CNTNAP2: variants seen among roughly 807,000 people sequenced by gnomAD.
CNTNAP2 encodes contactin associated protein 2.
Under a neutral mutation model 155.2 loss-of-function variants are expected in CNTNAP2, and 98 were observed. That is an observed-to-expected ratio of 0.63 (90% CI 0.54 to 0.75). The LOEUF (loss-of-function observed/expected upper bound fraction) is 0.75. CNTNAP2 is among the 30% of genes least tolerant of loss of function. The pLI is 0.00. For synonymous variants in CNTNAP2, 651 were observed against 631.2 expected, an observed-to-expected ratio of 1.03 and a Z score of -0.47; for missense variants, 1,727 against 1,688.1, an observed-to-expected ratio of 1.02 and a Z score of -0.40.
intron 1 of CNTNAP2, among the ~76,000 whole-genome samples, chr7:146,262,005 G>C (rs551220484): frequency 6.6e-6 from 1 of 152,288 alleles, no homozygotes; most frequent in East Asian, 1.9e-4. Flanking sequence ...CATGCTCAGT[G>C]TGTGTGTTGC....
intron 8 of CNTNAP2, among the ~76,000 whole-genome samples, chr7:147,293,007 A>T (rs1805347704): frequency 1.3e-5 from 2 of 152,284 alleles, no homozygotes; most frequent in African/African-American, 4.8e-5. Context: ...ACCTTGGGTG[A>T]TATGCCCGCT....
At chr7:148,204,137 T>G (rs1247922014) in intron 18 of CNTNAP2, among the ~76,000 whole-genome samples, 1 of 152,238 alleles carries the variant, frequency 6.6e-6, no homozygotes, top group African/African-American at 2.4e-5. Context: ...CTTTGAATCC[T>G]GTTACTTCCA....
intron 3 of CNTNAP2, among the ~76,000 whole-genome samples, chr7:147,033,180 A>ATATATG (rs1799074950): frequency 2.3e-5 from 2 of 85,252 alleles, no homozygotes; most frequent in African/African-American, 8.6e-5. Context: ...ATATATATAT[A>ATATATG]TATATATATA....
At chr7:147,861,280 A>G (rs1175431710) in intron 13 of CNTNAP2, among the ~76,000 whole-genome samples, 10 of 152,250 alleles carry the variant, frequency 6.6e-5, no homozygotes, top group African/African-American at 2.4e-4. Flanking sequence ...CCATGCTTTC[A>G]GCAGATACTT....
chr7:147,050,111 T>C (rs889304662), intron 4 of CNTNAP2, among the ~76,000 whole-genome samples: 2 of 152,218 alleles, frequency 1.3e-5, no homozygotes, highest in East Asian at 1.9e-4. Context: ...TTGAAACAAG[T>C]GCATGCAGTT....
chr7:146,148,033 T>C (rs1422641939), intron 1 of CNTNAP2, among the ~76,000 whole-genome samples: 1 of 152,136 alleles, frequency 6.6e-6, no homozygotes, highest in Non-Finnish European at 1.5e-5. Flanking sequence ...AGGACTGTGC[T>C]TTATCAGGAA....
At chr7:146,360,973 G>A (rs1407098061) in intron 1 of CNTNAP2, among the ~76,000 whole-genome samples, 1 of 152,074 alleles carries the variant, frequency 6.6e-6, no homozygotes, top group Non-Finnish European at 1.5e-5. Context: ...TCTTCTATTA[G>A]TATTTATCAG....
At chr7:147,851,146 A>C (rs1438260487) in intron 13 of CNTNAP2, among the ~76,000 whole-genome samples, 1 of 152,206 alleles carries the variant, frequency 6.6e-6, no homozygotes, top group Non-Finnish European at 1.5e-5. Context: ...GAAGACATTT[A>C]TGCAGCCAAC....
At chr7:147,921,120 T>G (rs1800272321) in intron 14 of CNTNAP2, among the ~76,000 whole-genome samples, 1 of 152,110 alleles carries the variant, frequency 6.6e-6, no homozygotes, top group African/African-American at 2.4e-5. Context: ...CCTTTTTTTT[T>G]TTTGTTTAAC....
chr7:146,899,652 A>G (rs1266225823), intron 3 of CNTNAP2, among the ~76,000 whole-genome samples: 1 of 152,180 alleles, frequency 6.6e-6, no homozygotes, highest in East Asian at 1.9e-4. Flanking sequence ...TTCCAGATAG[A>G]TAGGCTCACG....
chr7:148,218,258 A>G (rs1341962763), intron 19 of CNTNAP2, among the ~76,000 whole-genome samples: 2 of 152,276 alleles, frequency 1.3e-5, no homozygotes, highest in African/African-American at 4.8e-5. Context: ...TTATGATAGT[A>G]TACCAGTAGG....
intron 1 of CNTNAP2, among the ~76,000 whole-genome samples, chr7:146,328,663 T>C (rs1801134504): frequency 6.6e-6 from 1 of 152,178 alleles, no homozygotes; most frequent in African/African-American, 2.4e-5. Flanking sequence ...AATGAAAGTT[T>C]GTACTCTTTG....
At chr7:147,670,110 A>T (rs1419370852) in intron 13 of CNTNAP2, among the ~76,000 whole-genome samples, 1 of 152,226 alleles carries the variant, frequency 6.6e-6, no homozygotes, top group Non-Finnish European at 1.5e-5. Flanking sequence ...TGTGTAAAAT[A>T]TGTGGGGTAA....
chr7:146,741,503 G>A (rs759884041), intron 1 of CNTNAP2, among the ~76,000 whole-genome samples: 3 of 152,152 alleles, frequency 2.0e-5, no homozygotes, highest in Non-Finnish European at 4.4e-5. Context: ...ACATAATAGT[G>A]TATTGGCAAT....
chr7:147,537,121 T>C (rs138411894), intron 11 of CNTNAP2, among the ~76,000 whole-genome samples: 1 of 152,338 alleles, frequency 6.6e-6, no homozygotes, highest in East Asian at 1.9e-4. Flanking sequence ...GATTCCCAAA[T>C]GTGGAAAGAA....
intron 2 of CNTNAP2, among the ~76,000 whole-genome samples, chr7:146,817,975 T>TA (rs1341198135): frequency 7.2e-5 from 11 of 152,222 alleles, no homozygotes; most frequent in African/African-American, 2.7e-4. Context: ...AAAAGTAAGT[T>TA]ATTATTCTGT....
intron 1 of CNTNAP2, among the ~76,000 whole-genome samples, chr7:146,675,065 C>A (rs1800374301): frequency 6.6e-6 from 1 of 152,144 alleles, no homozygotes; most frequent in South Asian, 2.1e-4. Context: ...CCCCAACCAA[C>A]AAGACTGTGG....
At chr7:147,315,807 T>C (rs569247855) in intron 9 of CNTNAP2, among the ~76,000 whole-genome samples, 1 of 152,184 alleles carries the variant, frequency 6.6e-6, no homozygotes, top group South Asian at 2.1e-4. Context: ...ATAAATTGAA[T>C]TGCTTAAAAA....
intron 4 of CNTNAP2, among the ~76,000 whole-genome samples, chr7:147,048,204 C>T (rs1371377291): frequency 6.7e-6 from 1 of 149,834 alleles, no homozygotes; most frequent in Non-Finnish European, 1.5e-5. Context: ...GGCAATTTTA[C>T]ATTAGCCAGG....
Sources: allele counts gnomAD v4.1 joint callset (sites outside exome capture counted in the v4.1 genomes callset), GRCh38; gene constraint gnomAD v4.1.1; transcripts MANE v1.5; gene names NCBI Gene and HGNC (gene_info 2026-07-23, HGNC 2026-07-21).